Variants in CORIN observed in about 807,000 individuals in gnomAD.
CORIN encodes the protein atrial natriuretic peptide-converting enzyme.
Under a neutral mutation model 125.3 loss-of-function variants are expected in CORIN, and 117 were observed. The observed-to-expected ratio is 0.93, with a 90% CI of 0.80 to 1.09. The LOEUF is 1.09. CORIN is among the 50% of genes least tolerant of loss of function. CORIN has a pLI of 0.00. For missense variants in CORIN, 1,253 were observed against 1,306.7 expected (o/e 0.96, Z 0.63); for synonymous variants, 450 against 466.4 (o/e 0.96, Z 0.45).
intron 12 of CORIN, among the ~76,000 whole-genome samples, chr4:47,654,753 G>A (rs1298969852): frequency 1.3e-5 from 2 of 152,154 alleles, no homozygotes; most frequent in African/African-American, 4.8e-5. Flanking sequence ...CACAAGGACT[G>A]CAATTCTTGG....
intron 2 of CORIN, among the ~76,000 whole-genome samples, chr4:47,805,102 C>T (rs1230752581): frequency 4.8e-5 from 7 of 146,248 alleles, no homozygotes; most frequent in Admixed American, 4.8e-4. Context: ...CGCCACTGCA[C>T]TCCAGCCTGG....
At chr4:47,766,670 G>T (rs528419454) in intron 3 of CORIN, among the ~76,000 whole-genome samples, 28 of 152,210 alleles carry the variant, frequency 1.8e-4, no homozygotes, top group South Asian at 4.1e-4. Context: ...CAAAGGCCGG[G>T]CGCAGTGGCT....
chr4:47,610,449 GT>G (rs369204367), intron 19 of CORIN, among the ~76,000 whole-genome samples: 8,792 of 148,516 alleles, frequency 0.059, 412 homozygotes, highest in African/African-American at 0.13. Context: ...TTTTAATGGG[GT>G]TTTTTTTTTC....
chr4:47,712,359 T>G (rs1229288155), intron 5 of CORIN, among the ~76,000 whole-genome samples: 1 of 152,220 alleles, frequency 6.6e-6, no homozygotes, highest in Non-Finnish European at 1.5e-5. Context: ...CTCCACTCAC[T>G]GCAAACTCTG....
At position 47,824,117 on chromosome 4, in the gene CORIN, T is replaced by C. The variant is rs771888096; in HGVS notation, c.63+13770A>G. Among the ~76,000 whole-genome samples the C allele has an allele frequency of 7.3e-5, 8 of 109,078 alleles. 1 individual carries two copies. The highest frequency in any genetic ancestry group is 3.4e-4 in the African/African-American group (8 of 23,758). 71.6% of individuals were successfully genotyped at this position (109,078 alleles called of 152,430 possible). A position where few individuals can be genotyped will look rare whatever the true frequency, so the allele number is the denominator to read the frequency against. ...TATGGAAAGCAATCAATGCTATTCC[T>C]TTTTTTTTTTTTTTTACTCCTTTTT... On this transcript the variant is annotated intron_variant, in intron 1 of 21. Coordinates refer to ENST00000273857, the MANE Select transcript of CORIN (RefSeq NM_006587.4).
At chr4:47,614,193 TTTGTTG>T (rs1560472890) in intron 19 of CORIN, among the ~76,000 whole-genome samples, 1 of 151,916 alleles carries the variant, frequency 6.6e-6, no homozygotes, top group East Asian at 1.9e-4. Flanking sequence ...AATTTCTTTT[TTTGTTG>T]TTGTTGTTTT....
chr4:47,655,641 T>A lies in CORIN; in HGVS notation c.1736-1981A>T, dbSNP rs117118903. Reference sequence around the variant, plus strand: ...GAAGAGTGAGAAGAACTTTGACTTGTGGCTTGGGCGCCAATACTGCAGAAA... The same window carrying A: ...GAAGAGTGAGAAGAACTTTGACTTGAGGCTTGGGCGCCAATACTGCAGAAA... On this transcript the variant is annotated intron_variant, in intron 12 of 21. Transcript: ENST00000273857. Among the ~76,000 whole-genome samples, 11 of 152,276 alleles carry A rather than the reference T, an allele frequency of 7.2e-5. No individual in the cohort carries two copies. The East Asian group carries it at 2.1e-3, about 29-fold the overall frequency.
In CORIN at chr4:47,661,842, T is replaced by G; in HGVS notation, c.1604A>C (p.His535Pro). 6.2e-7 allele frequency: 1 copy of G among 1,606,286 alleles called. No homozygotes were observed. The highest frequency in any genetic ancestry group is 8.5e-7 in the Non-Finnish European group (1 of 1,175,090). Reference protein sequence around the residue: ...HIPPCRALCEHSKERCESVLG... With the variant: ...HIPPCRALCEPSKERCESVLG... ...AACAGACTCACAGCGTTCTTTAGAG[T>G]GTTCACACAATGCCCTAGATGAACA... The change falls in exon 12 of 22, where the codon CAC becomes CCC. Residue 535 changes from histidine (H) to proline (P), a missense_variant. Transcript: ENST00000273857.
chr4:47,601,057 G>A (rs1460947043), intron 20 of CORIN, among the ~76,000 whole-genome samples: 3 of 152,216 alleles, frequency 2.0e-5, no homozygotes, highest in Non-Finnish European at 4.4e-5. Flanking sequence ...TTTAAACAGT[G>A]ATGGTGAAGC....
chr4:47,787,998 G>T (rs1730898440), intron 2 of CORIN, among the ~76,000 whole-genome samples: 1 of 152,186 alleles, frequency 6.6e-6, no homozygotes, highest in Non-Finnish European at 1.5e-5. Flanking sequence ...AAACCACCTT[G>T]CTTTGTCTTT....
intron 15 of CORIN, 76 bp downstream of exon 15, chr4:47,643,070 T>A: frequency 6.2e-7 from 1 of 1,608,792 alleles, no homozygotes; most frequent in Non-Finnish European, 8.5e-7. Context: ...ATCCAGGAAG[T>A]AATTTAGGAT....
At position 47,643,218 on chromosome 4, in the gene CORIN, C is replaced by T; in HGVS notation, c.1996G>A (p.Ala666Thr). Residue 666 changes from alanine to threonine, a missense_variant, in exon 15 of 22, where the codon GCG (alanine) becomes ACG (threonine). Transcript: ENST00000273857. ...QDDELECANHACVSRDLWCDG... is the reference protein window; with the variant it reads ...QDDELECANHTCVSRDLWCDG... Reference sequence around the variant, plus strand: ...CACCACAGGTCACGTGACACACACGCATGGTTTGCACATTCCAGCTCATCA... The same window carrying T: ...CACCACAGGTCACGTGACACACACGTATGGTTTGCACATTCCAGCTCATCA... 6.2e-7 allele frequency: 1 copy of T among 1,613,598 alleles called. No homozygotes were observed. Among genetic ancestry groups the T allele is most frequent in the Non-Finnish European group, 8.5e-7 (1 of 1,179,838 alleles).
intron 5 of CORIN, among the ~76,000 whole-genome samples, chr4:47,703,850 T>C (rs1726422650): frequency 6.6e-6 from 1 of 152,140 alleles, no homozygotes; most frequent in Non-Finnish European, 1.5e-5. Context: ...ACTTGGAAGG[T>C]AGGGGCACCT....
chr4:47,715,040 C>A (rs1259296948), intron 5 of CORIN, among the ~76,000 whole-genome samples: 3 of 152,070 alleles, frequency 2.0e-5, no homozygotes, highest in Non-Finnish European at 4.4e-5. Context: ...TCTAAGAAAG[C>A]AGGAGGAGAC....
chr4:47,614,467 G>A (rs1181063281), intron 19 of CORIN, among the ~76,000 whole-genome samples: 1 of 152,182 alleles, frequency 6.6e-6, no homozygotes, highest in African/African-American at 2.4e-5. Context: ...CCAAAGTGCT[G>A]GGATTAGAGG....
At chr4:47,735,533 G>T (rs2109822500) in intron 5 of CORIN, among the ~76,000 whole-genome samples, 1 of 152,120 alleles carries the variant, frequency 6.6e-6, no homozygotes, top group South Asian at 2.1e-4. Context: ...TTTTTTCCAA[G>T]ATCATCAATC....
chr4:47,706,230 A>T, intron 5 of CORIN: 2 of 605,900 alleles, frequency 3.3e-6, no homozygotes, highest in Non-Finnish European at 5.8e-6. Flanking sequence ...ATCCAGATTG[A>T]AATGAAATTC....
chr4:47,762,925 T>C (rs1357136539), intron 4 of CORIN, among the ~76,000 whole-genome samples: 1 of 152,152 alleles, frequency 6.6e-6, no homozygotes, highest in Non-Finnish European at 1.5e-5. Context: ...TACCCATAGA[T>C]ACAACTCTCT....
chr4:47,609,442 G>A (rs1021103862), intron 19 of CORIN, among the ~76,000 whole-genome samples: 3 of 152,120 alleles, frequency 2.0e-5, no homozygotes, highest in African/African-American at 7.2e-5. Flanking sequence ...GTTTCACCAT[G>A]TTGGCCTATC....
Sources: allele counts gnomAD v4.1 joint callset (sites outside exome capture counted in the v4.1 genomes callset), GRCh38; gene constraint gnomAD v4.1.1; transcripts MANE v1.5; gene names NCBI Gene and HGNC (gene_info 2026-07-23, HGNC 2026-07-21).